ETV6: variants seen among roughly 807,000 people sequenced by gnomAD.
The protein encoded by ETV6 is ETS variant transcription factor 6, also known as transcription factor ETV6.
A neutral mutation model predicts 51.1 loss-of-function variants in ETV6; 16 were observed. The ratio of observed to expected loss-of-function variants is 0.31; its 90% CI spans 0.21 to 0.48. ETV6 has a LOEUF of 0.48. Ranked by LOEUF, ETV6 falls within the 20% of genes least tolerant of loss-of-function variation. The pLI is 0.99. For synonymous variants in ETV6, 240 were observed against 224.1 expected, an observed-to-expected ratio of 1.07 and a Z score of -0.64; for missense variants, 458 against 594.8, an observed-to-expected ratio of 0.77 and a Z score of 2.39.
intron 2 of ETV6, among the ~76,000 whole-genome samples, chr12:11,816,448 A>G (rs1360855150): frequency 4.6e-5 from 7 of 152,122 alleles, no homozygotes; most frequent in East Asian, 3.9e-4. Context: ...GGGTTTCACC[A>G]TGTTAGCCAG....
At chr12:11,764,782 A>G (rs1379557074) in intron 2 of ETV6, among the ~76,000 whole-genome samples, 1 of 152,202 alleles carries the variant, frequency 6.6e-6, no homozygotes, top group African/African-American at 2.4e-5. Context: ...ATGTGGAATA[A>G]TAACTTCCAT....
intron 1 of ETV6, among the ~76,000 whole-genome samples, chr12:11,715,483 G>A (rs1865257140): frequency 6.6e-6 from 1 of 152,224 alleles, no homozygotes; most frequent in South Asian, 2.1e-4. Context: ...TTATTTTAGG[G>A]ATGAGAAAAC....
intron 2 of ETV6, among the ~76,000 whole-genome samples, chr12:11,769,462 A>C (rs1945209470): frequency 6.6e-6 from 1 of 152,046 alleles, no homozygotes; most frequent in African/African-American, 2.4e-5. Context: ...AACGATTTTG[A>C]TGGTACCTGA....
At chr12:11,684,034 A>C (rs1383452629) in intron 1 of ETV6, among the ~76,000 whole-genome samples, 1 of 152,176 alleles carries the variant, frequency 6.6e-6, no homozygotes, top group Non-Finnish European at 1.5e-5. Context: ...TGCCACATGG[A>C]TAGAGGGTAA....
rs745837514 is a variant in ETV6 at position 11,850,278 on chromosome 12, C to T, written c.329-3149C>T. 5.3e-5 allele frequency among the ~76,000 whole-genome samples: 8 copies of T among 152,224 alleles called. No homozygotes were observed. The South Asian group carries it at 6.2e-4, about 12-fold the overall frequency. On this transcript the variant is annotated intron_variant, in intron 3 of 7. Transcript: ENST00000396373. ...CCAGCGTCAGTATGGGAGGCTGAAG[C>T]AAGCCCATGCAGAAGCCTGGGAGGT...
chr12:11,769,720 A>G (rs749373614), intron 2 of ETV6, among the ~76,000 whole-genome samples: 111 of 152,370 alleles, frequency 7.3e-4, no homozygotes, highest in Middle Eastern at 6.8e-3. Context: ...TGCTGTGACC[A>G]GATCTAGACT....
At chr12:11,781,360 A>G (rs1035381676) in intron 2 of ETV6, among the ~76,000 whole-genome samples, 21 of 152,200 alleles carry the variant, frequency 1.4e-4, no homozygotes, top group African/African-American at 5.1e-4. Flanking sequence ...GGATGGTGCT[A>G]GATGTGAAAA....
At chr12:11,833,539 A>G (rs2136455875) in intron 2 of ETV6, among the ~76,000 whole-genome samples, 3 of 152,362 alleles carry the variant, frequency 2.0e-5, no homozygotes, top group Admixed American at 2.0e-4. Flanking sequence ...TTAGAGAGTT[A>G]GGTAGTTTTT....
At chr12:11,667,252 T>A (rs1369210257) in intron 1 of ETV6, among the ~76,000 whole-genome samples, 3 of 152,326 alleles carry the variant, frequency 2.0e-5, no homozygotes, top group East Asian at 1.9e-4. Context: ...ATTAAGCTTC[T>A]ATTATGGACT....
chr12:11,651,905 T>C (rs55637756), intron 1 of ETV6, among the ~76,000 whole-genome samples: 204 of 152,316 alleles, frequency 1.3e-3, no homozygotes, highest in African/African-American at 4.5e-3. Flanking sequence ...CCCCACCGTT[T>C]TGATGGGCTT....
chr12:11,858,406 T>TA (rs200339462), intron 4 of ETV6, among the ~76,000 whole-genome samples: 52,757 of 147,800 alleles, frequency 0.36, 10,915 homozygotes, highest in South Asian at 0.54. Flanking sequence ...ATATATATAT[T>TA]TTTTTTTAAT....
At chr12:11,791,584 G>C (rs553619029) in intron 2 of ETV6, among the ~76,000 whole-genome samples, 28 of 152,284 alleles carry the variant, frequency 1.8e-4, no homozygotes, top group Admixed American at 1.6e-3. Flanking sequence ...TTCGTGTCCA[G>C]TTGATGAAAA....
At chr12:11,818,951 AG>A (rs1030584468) in intron 2 of ETV6, among the ~76,000 whole-genome samples, 29 of 152,204 alleles carry the variant, frequency 1.9e-4, no homozygotes, top group African/African-American at 6.3e-4. Flanking sequence ...CCAGTGGAAC[AG>A]GCGTCCCTCT....
intron 1 of ETV6, among the ~76,000 whole-genome samples, chr12:11,699,633 T>C (rs1187511403): frequency 2.6e-5 from 4 of 152,158 alleles, no homozygotes; most frequent in African/African-American, 9.7e-5. Context: ...GAAGGTTTGT[T>C]GATTATTGAG....
chr12:11,684,625 C>T (rs1864593053), intron 1 of ETV6, among the ~76,000 whole-genome samples: 1 of 152,230 alleles, frequency 6.6e-6, no homozygotes, highest in African/African-American at 2.4e-5. Context: ...TTCCCCTTCC[C>T]TATTATTTTG....
chr12:11,837,817 C>G (rs936849104), intron 2 of ETV6, among the ~76,000 whole-genome samples: 11 of 152,194 alleles, frequency 7.2e-5, no homozygotes, highest in Non-Finnish European at 2.9e-5. Flanking sequence ...TCTTCTGACC[C>G]AGCAGTTCTT....
chr12:11,751,355 T>C (rs1335831600), intron 1 of ETV6: 3 of 518,906 alleles, frequency 5.8e-6, no homozygotes, highest in African/African-American at 1.9e-5. Context: ...TTTATTTTCA[T>C]AGTGGCATCT....
chr12:11,859,107 T>A (rs1946673373), intron 4 of ETV6, among the ~76,000 whole-genome samples: 1 of 135,592 alleles, frequency 7.4e-6, no homozygotes, highest in Admixed American at 7.9e-5. Context: ...GAAGATGAGG[T>A]ATATGAATCT....
At chr12:11,686,623 G>A (rs1163795513) in intron 1 of ETV6, among the ~76,000 whole-genome samples, 2 of 152,268 alleles carry the variant, frequency 1.3e-5, no homozygotes, top group South Asian at 2.1e-4. Context: ...TGCCTCCCAG[G>A]TTCAAGTCAT....
Sources: allele counts gnomAD v4.1 joint callset (sites outside exome capture counted in the v4.1 genomes callset), GRCh38; gene constraint gnomAD v4.1.1; transcripts MANE v1.5; gene names NCBI Gene and HGNC (gene_info 2026-07-23, HGNC 2026-07-21).